TBCK: variants seen among roughly 807,000 people sequenced by gnomAD.
The protein encoded by TBCK is TBC domain-containing protein kinase-like protein.
TBCK carries 99 observed loss-of-function variants against 113.4 expected under a neutral mutation model. That is an observed-to-expected ratio of 0.87 (90% confidence interval 0.74 to 1.03). The LOEUF (loss-of-function observed/expected upper bound fraction) is 1.03, where lower values mean the gene tolerates loss of function less well. TBCK is among the 50% of genes least tolerant of loss of function. TBCK has a pLI of 0.00. For synonymous variants in TBCK, 369 were observed against 370.8 expected, an observed-to-expected ratio of 1.00 and a Z score of 0.05; for missense variants, 1,045 against 1,061.3, an observed-to-expected ratio of 0.98 and a Z score of 0.21.
intron 23 of TBCK, among the ~76,000 whole-genome samples, chr4:106,145,485 C>T (rs1033680715): frequency 6.6e-6 from 1 of 152,130 alleles, no homozygotes; most frequent in Non-Finnish European, 1.5e-5. Flanking sequence ...AACAAGCCTA[C>T]CTTGGAGATA....
chr4:106,205,011 C>T (rs1181603433), intron 20 of TBCK, among the ~76,000 whole-genome samples: 1 of 151,330 alleles, frequency 6.6e-6, no homozygotes, highest in Non-Finnish European at 1.5e-5. Context: ...ATGATCCACC[C>T]GCCTCGGCCT....
intron 3 of TBCK, among the ~76,000 whole-genome samples, chr4:106,282,217 T>C (rs1764668686): frequency 6.6e-6 from 1 of 152,152 alleles, no homozygotes; most frequent in South Asian, 2.1e-4. Flanking sequence ...AAGTCTCTAA[T>C]GATCCTTTGA....
At chr4:106,133,179 TCC>T (rs1746157880) in intron 23 of TBCK, among the ~76,000 whole-genome samples, 1 of 152,104 alleles carries the variant, frequency 6.6e-6, no homozygotes, top group South Asian at 2.1e-4. Context: ...ACTGTAATAA[TCC>T]CCAAGTGTGA....
chr4:106,192,281 G>GTA (rs1426719683), intron 22 of TBCK, among the ~76,000 whole-genome samples: 46 of 152,074 alleles, frequency 3.0e-4, no homozygotes, highest in African/African-American at 9.6e-4. Flanking sequence ...TGTACAATCA[G>GTA]CATTCCTAAT....
chr4:106,194,124 T>C (rs1473023937), intron 21 of TBCK, among the ~76,000 whole-genome samples: 1 of 152,046 alleles, frequency 6.6e-6, no homozygotes, highest in African/African-American at 2.4e-5. Context: ...TCTAAACAAC[T>C]GTTTTAATAA....
At chr4:106,291,411 A>G (rs1312381157) in intron 3 of TBCK, among the ~76,000 whole-genome samples, 1 of 152,214 alleles carries the variant, frequency 6.6e-6, no homozygotes, top group African/African-American at 2.4e-5. Flanking sequence ...AAAAGAAAAT[A>G]CCAACAGTCC....
chr4:106,253,635 G>A (rs539520843), intron 5 of TBCK, among the ~76,000 whole-genome samples: 2 of 152,218 alleles, frequency 1.3e-5, no homozygotes, highest in Admixed American at 6.5e-5. Flanking sequence ...ACTTTTTAAT[G>A]TTTAACAATC....
intron 2 of TBCK, among the ~76,000 whole-genome samples, chr4:106,295,723 C>T (rs915090806): frequency 1.4e-4 from 21 of 152,144 alleles, no homozygotes; most frequent in African/African-American, 4.6e-4. Flanking sequence ...TCAAAAATCA[C>T]CTATAACTTT....
chr4:106,048,253 A>T (rs1734432350), intron 25 of TBCK, among the ~76,000 whole-genome samples: 1 of 152,142 alleles, frequency 6.6e-6, no homozygotes, highest in Non-Finnish European at 1.5e-5. Flanking sequence ...CTGGACTGGG[A>T]TCTTAGCAAT....
intron 2 of TBCK, among the ~76,000 whole-genome samples, chr4:106,295,413 A>G (rs943830370): frequency 2.0e-5 from 3 of 152,146 alleles, no homozygotes; most frequent in Admixed American, 6.5e-5. Flanking sequence ...GTCAGGAAAA[A>G]TAGGTGGAAA....
chr4:106,237,719 C>A (rs1467804850), intron 12 of TBCK, among the ~76,000 whole-genome samples: 1 of 152,112 alleles, frequency 6.6e-6, no homozygotes, highest in African/African-American at 2.4e-5. Context: ...CTCTAAAAAT[C>A]AATGTGCTAT....
At chr4:106,085,814 G>A (rs1739426166) in intron 25 of TBCK, among the ~76,000 whole-genome samples, 1 of 152,088 alleles carries the variant, frequency 6.6e-6, no homozygotes, top group South Asian at 2.1e-4. Context: ...AAACCACATA[G>A]TTTCATGGAA....
rs117194057 is a variant in TBCK, at chr4:106,135,668, G to A, written c.2236-19290C>T. ...GTTACTATAAAAGCTCTGGAGGAGC[G>A]CAGAAAAATTTGATAAATAGTTACT... On this transcript the variant is annotated intron_variant, in intron 23 of 25. Transcript: ENST00000394708. Among the ~76,000 whole-genome samples, 21 of 141,756 alleles carry A rather than the reference G, an allele frequency of 1.5e-4. 3 individuals are homozygous for A. In the East Asian group the frequency reaches 2.8e-3, roughly 19 times the overall value. 93.0% of individuals were successfully genotyped at this position (141,756 alleles called of 152,430 possible).
chr4:106,184,728 T>C (rs983174548), intron 22 of TBCK, among the ~76,000 whole-genome samples: 2 of 152,028 alleles, frequency 1.3e-5, no homozygotes, highest in Non-Finnish European at 2.9e-5. Context: ...GGGCTCCAGA[T>C]ATAATTCACC....
intron 3 of TBCK, among the ~76,000 whole-genome samples, chr4:106,268,642 CTTTTA>C (rs1763204381): frequency 6.6e-6 from 1 of 152,026 alleles, no homozygotes; most frequent in African/African-American, 2.4e-5. Context: ...CTCTTCTAGT[CTTTTA>C]TTTACTGAAA....
intron 22 of TBCK, 124 bp downstream of exon 22, chr4:106,193,485 A>G: frequency 1.1e-6 from 1 of 911,090 alleles, no homozygotes; most frequent in Non-Finnish European, 1.7e-6. Flanking sequence ...TCCAGAGAGG[A>G]TGATGAGGCC....
intron 3 of TBCK, among the ~76,000 whole-genome samples, chr4:106,288,765 G>A (rs1197698824): frequency 6.6e-6 from 1 of 152,126 alleles, no homozygotes; most frequent in Non-Finnish European, 1.5e-5. Context: ...CTGAAAATCT[G>A]CAATCCAAAA....
intron 2 of TBCK, among the ~76,000 whole-genome samples, chr4:106,307,894 C>A (rs539297065): frequency 2.0e-5 from 3 of 152,002 alleles, no homozygotes; most frequent in Admixed American, 2.0e-4. Context: ...GACTTTTTAA[C>A]CAATAGGGTT....
In TBCK at chr4:106,044,820, A is replaced by G. The variant is rs1366265471; in HGVS notation, c.*1750T>C. 18 of 152,222 alleles carry G rather than the reference A, an allele frequency of 1.2e-4. No individual in the cohort carries two copies. The highest frequency in any genetic ancestry group is 1.2e-3 in the Admixed American group (18 of 15,276). 9.4% of individuals were successfully genotyped at this position (152,222 alleles called of 1,614,324 possible). A position where few individuals can be genotyped will look rare whatever the true frequency, so the allele number is the denominator to read the frequency against. The stretch of plus-strand genomic sequence containing the variant: ...TCAATTTAAAAAGTAGATGCAAAGA[A>G]AAAATAAAATAAAGTAAACAATAGC... On this transcript the variant is annotated 3_prime_UTR_variant, in exon 26 of 26. Coordinates refer to ENST00000394708, the MANE Select transcript of TBCK (RefSeq NM_001163435.3).
Sources: allele counts gnomAD v4.1 joint callset (sites outside exome capture counted in the v4.1 genomes callset), GRCh38; gene constraint gnomAD v4.1.1; transcripts MANE v1.5; gene names NCBI Gene and HGNC (gene_info 2026-07-23, HGNC 2026-07-21).